RPTOR: variants seen among roughly 807,000 people sequenced by gnomAD.
The protein encoded by RPTOR is regulatory associated protein of MTOR complex 1.
In RPTOR, 21 loss-of-function variants were observed where a neutral mutation model predicts 169.9. The ratio of observed to expected loss-of-function variants is 0.12; its 90% CI spans 0.09 to 0.18. The LOEUF (loss-of-function observed/expected upper bound fraction) is 0.18, where lower values mean the gene tolerates loss of function less well. Ranked by LOEUF, RPTOR falls within the 10% of genes least tolerant of loss-of-function variation. RPTOR has a pLI of 1.00. For synonymous variants in RPTOR, 732 were observed against 753.2 expected (o/e 0.97, Z 0.46); for missense variants, 1,133 against 1,855.9 (o/e 0.61, Z 7.16).
chr17:80,884,348 A>G (rs373644113), intron 16 of RPTOR, among the ~76,000 whole-genome samples: 6 of 152,320 alleles, frequency 3.9e-5, no homozygotes, highest in East Asian at 3.9e-4. Context: ...TGCCTGGTGC[A>G]GCTGGGAAAG....
At chr17:80,634,216 G>C (rs1461297777) in intron 2 of RPTOR, among the ~76,000 whole-genome samples, 2 of 141,670 alleles carry the variant, frequency 1.4e-5, no homozygotes, top group African/African-American at 5.5e-5. Flanking sequence ...TGTGCATACT[G>C]TGTGCGTGTG....
intron 3 of RPTOR, among the ~76,000 whole-genome samples, chr17:80,669,977 T>G (rs939612819): frequency 6.6e-6 from 1 of 152,262 alleles, no homozygotes; most frequent in East Asian, 1.9e-4. Context: ...CACTCAGGTA[T>G]CTTTAGATTT....
chr17:80,842,900 T>C (rs2067686796), intron 10 of RPTOR, among the ~76,000 whole-genome samples: 1 of 152,174 alleles, frequency 6.6e-6, no homozygotes, highest in Non-Finnish European at 1.5e-5. Context: ...TGTTCCCTCC[T>C]TTGCACCAAG....
Position 80,651,009 on chromosome 17 carries a change from G to A in RPTOR, c.348+7199G>A, listed in dbSNP as rs530303068. ...CCTTTAACAAGGGAGTTGTCTGTGT[G>A]TATGACAAATTGCAAATGAGGACCC... is the stretch of plus-strand genomic sequence containing the variant. On this transcript the variant is annotated intron_variant, in intron 3 of 33. Coordinates refer to ENST00000306801, the MANE Select transcript of RPTOR (RefSeq NM_020761.3). This position sits in a 1 kb window ranked among gnomAD's most constrained non-coding sequence, Gnocchi z 4.1. Among the ~76,000 whole-genome samples, 1 of 152,318 alleles carries A rather than the reference G, an allele frequency of 6.6e-6. No individual in the cohort carries two copies. The highest frequency in any genetic ancestry group is 2.1e-4 in the South Asian group (1 of 4,828).
chr17:80,840,248 C>T (rs2067612728), intron 10 of RPTOR, among the ~76,000 whole-genome samples: 1 of 152,128 alleles, frequency 6.6e-6, no homozygotes, highest in African/African-American at 2.4e-5. Flanking sequence ...TTGTGCCTGC[C>T]CGCTGTCACT....
At chr17:80,764,316 C>A (rs9913614) in intron 6 of RPTOR, among the ~76,000 whole-genome samples, 8 of 113,868 alleles carry the variant, frequency 7.0e-5, no homozygotes, top group South Asian at 6.4e-4. Context: ...TCCCCCCTCC[C>A]CCCACCCCAC....
chr17:80,779,972 C>A (rs566854294), intron 6 of RPTOR, among the ~76,000 whole-genome samples: 25 of 152,218 alleles, frequency 1.6e-4, no homozygotes, highest in Middle Eastern at 6.8e-3. Context: ...TACCCAGGCT[C>A]CACTCCTTGG....
intron 3 of RPTOR, among the ~76,000 whole-genome samples, chr17:80,670,493 G>A (rs749291143): frequency 3.3e-5 from 5 of 152,096 alleles, no homozygotes; most frequent in Non-Finnish European, 5.9e-5. Flanking sequence ...CCGCTGCTTC[G>A]TCTTTTTCTA....
intron 5 of RPTOR, among the ~76,000 whole-genome samples, chr17:80,732,380 C>T (rs1449929951): frequency 6.6e-6 from 1 of 152,124 alleles, no homozygotes; most frequent in African/African-American, 2.4e-5. Context: ...GCTTGCATTC[C>T]AGCGCTTTGA....
rs115231255 is a variant in RPTOR at position 80,870,921 on chromosome 17, C to T, written c.1510-9494C>T. Among the ~76,000 whole-genome samples, 384 of 152,296 alleles carry T rather than the reference C, an allele frequency of 2.5e-3. 1 individual carries two copies. The highest frequency in any genetic ancestry group is 8.8e-3 in the African/African-American group (367 of 41,570). On this transcript the variant is annotated intron_variant, in intron 13 of 33. Coordinates refer to ENST00000306801, the MANE Select transcript of RPTOR (RefSeq NM_020761.3). The stretch of plus-strand genomic sequence containing the variant: ...AGTTATTAACTGCAGTTGATACTCT[C>T]ATCAGATTTTCTTGCTAATGTCCTT...
chr17:80,938,530 C>T (rs2068983053), intron 24 of RPTOR, among the ~76,000 whole-genome samples: 2 of 152,186 alleles, frequency 1.3e-5, no homozygotes, highest in South Asian at 4.1e-4. Flanking sequence ...TTCTAATAAG[C>T]TCAGGATTGT....
intron 1 of RPTOR, among the ~76,000 whole-genome samples, chr17:80,624,325 C>T (rs1036336366): frequency 8.5e-5 from 13 of 152,102 alleles, no homozygotes; most frequent in Admixed American, 2.0e-4. Context: ...GATGTTACTT[C>T]TTAACGTTAA....
intron 28 of RPTOR, among the ~76,000 whole-genome samples, chr17:80,952,918 G>A (rs1405837794): frequency 1.4e-5 from 2 of 142,276 alleles, no homozygotes; most frequent in Admixed American, 1.4e-4. Flanking sequence ...AGGCTGGAGT[G>A]CAGTGGCGTG....
In RPTOR at chr17:80,601,571, TTA is replaced by T. The variant is rs869215012; in HGVS notation, c.163-24119_163-24118del. 1.2e-3 allele frequency among the ~76,000 whole-genome samples: 68 copies of T among 56,976 alleles called. 20 individuals are homozygous for T. Among genetic ancestry groups the T allele is most frequent in the African/African-American group, 6.0e-3 (63 of 10,420 alleles). 37.4% of individuals were successfully genotyped at this position (56,976 alleles called of 152,430 possible). A position where few individuals can be genotyped will look rare whatever the true frequency, so the allele number is the denominator to read the frequency against. On this transcript the variant is annotated intron_variant, in intron 1 of 33. Coordinates refer to ENST00000306801, the MANE Select transcript of RPTOR (RefSeq NM_020761.3). ...TGGTTCAGTCTTTTTTTTTTTTTTT[TTA>T]AATTTATTTTTTTATTGATAATTCT...
At chr17:80,603,764 G>A (rs899289051) in intron 1 of RPTOR, among the ~76,000 whole-genome samples, 1 of 152,238 alleles carries the variant, frequency 6.6e-6, no homozygotes, top group African/African-American at 2.4e-5. Context: ...CCAATACAAG[G>A]TAGTGAAATG....
At position 80,844,240 on chromosome 17, in the gene RPTOR, C is replaced by T. The variant is rs1022106047; in HGVS notation, c.1213-2233C>T. 1.3e-5 allele frequency among the ~76,000 whole-genome samples: 2 copies of T among 152,208 alleles called. No individual in the cohort carries two copies. Among genetic ancestry groups the T allele is most frequent in the African/African-American group, 4.8e-5 (2 of 41,454 alleles). Reference sequence around the variant, plus strand: ...TCAGCCTCCCCGTGGCTTTAGGGAGCTTCACGGGCTTCACCGCGCACCTGC... The same window carrying T: ...TCAGCCTCCCCGTGGCTTTAGGGAGTTTCACGGGCTTCACCGCGCACCTGC... On this transcript the variant is annotated intron_variant, in intron 10 of 33. Coordinates refer to ENST00000306801, the MANE Select transcript of RPTOR (RefSeq NM_020761.3). The surrounding 1 kb of genome is among the most constrained non-coding windows in gnomAD (Gnocchi z 4.7).
chr17:80,823,439 A>T lies in RPTOR; in HGVS notation c.1136+216A>T. ...GGGCAGAAGCCTTGGAGGGCCTTTT[A>T]GGACTGCACGGGAGCAGCGGCCGGC... On this transcript the variant is annotated intron_variant, in intron 9 of 33. Transcript: ENST00000306801. The surrounding 1 kb of genome is among the most constrained non-coding windows in gnomAD (Gnocchi z 4.5). 1 of 541,948 alleles carries T rather than the reference A, an allele frequency of 1.8e-6. No homozygotes were observed. The highest frequency in any genetic ancestry group is 3.1e-6 in the Non-Finnish European group (1 of 321,644). 33.6% of individuals were successfully genotyped at this position (541,948 alleles called of 1,614,324 possible).
chr17:80,883,586 C>T (rs925492219), intron 15 of RPTOR, 102 bp downstream of exon 15: 9 of 1,281,598 alleles, frequency 7.0e-6, no homozygotes, highest in Non-Finnish European at 1.0e-5. Flanking sequence ...CAGGGGGTGT[C>T]CAGCAGAGGC....
At chr17:80,850,473 C>T (rs1321463652) in intron 11 of RPTOR, among the ~76,000 whole-genome samples, 7 of 152,174 alleles carry the variant, frequency 4.6e-5, no homozygotes, top group African/African-American at 1.4e-4. Flanking sequence ...GGGGTGATCT[C>T]GGCTCACTGC....
Sources: allele counts gnomAD v4.1 joint callset (sites outside exome capture counted in the v4.1 genomes callset), GRCh38; gene constraint gnomAD v4.1.1; non-coding constraint Gnocchi (gnomAD v3.1); transcripts MANE v1.5; gene names NCBI Gene and HGNC (gene_info 2026-07-23, HGNC 2026-07-21).